The following ZSWIM8 variants were observed in gnomAD, a reference collection of about 807,000 sequenced individuals.
The protein encoded by ZSWIM8 is zinc finger SWIM domain-containing protein 8.
ZSWIM8 carries 27 observed loss-of-function variants against 173.7 expected under a neutral mutation model. That is an observed-to-expected ratio of 0.16 (90% CI 0.11 to 0.21). The LOEUF (loss-of-function observed/expected upper bound fraction) is 0.21. ZSWIM8 is among the 10% of genes least tolerant of loss of function. The pLI is 1.00. For synonymous variants in ZSWIM8, 958 were observed against 962.0 expected (o/e 1.00, Z 0.08); for missense variants, 1,627 against 2,428.8 (o/e 0.67, Z 6.94).
intron 21 of ZSWIM8, 194 bp from the exon 22 acceptor site, chr10:73,799,817 A>G (rs759890659): frequency 4.6e-6 from 3 of 647,186 alleles, no homozygotes; most frequent in Non-Finnish European, 7.9e-6. Flanking sequence ...TGGGAGGCTG[A>G]GATGGGAATC....
Position 73,789,685 on chromosome 10 carries a change from G to T in ZSWIM8, c.631-32G>T. The T allele has an allele frequency of 2.5e-6, 4 of 1,570,664 alleles. No homozygotes were observed. Among genetic ancestry groups the T allele is most frequent in the Non-Finnish European group, 3.5e-6 (4 of 1,157,118 alleles). ...TCCAGCTCCAGCAAACCTGTTCTCAGATTGTTCCATTTTTCTCTGTGTCCC... is the reference window on the plus strand; with the variant it reads ...TCCAGCTCCAGCAAACCTGTTCTCATATTGTTCCATTTTTCTCTGTGTCCC... On this transcript the variant is annotated intron_variant, in intron 4 of 25. Transcript: ENST00000604729. This position sits in a 1 kb window ranked among gnomAD's most constrained non-coding sequence, Gnocchi z 6.8.
At chr10:73,798,918 T>C in intron 20 of ZSWIM8, 84 bp from the exon 21 acceptor site, 1 of 1,519,030 alleles carries the variant, frequency 6.6e-7, no homozygotes, top group Non-Finnish European at 8.9e-7. Flanking sequence ...GAGACAGCTC[T>C]GAGGGAGACA....
At position 73,800,900 on chromosome 10, in the gene ZSWIM8, A is replaced by G; in HGVS notation, c.5123-117A>G. 1 of 1,238,982 alleles carries G rather than the reference A, an allele frequency of 8.1e-7. No homozygotes were observed. The highest frequency in any genetic ancestry group is 1.5e-5 in the African/African-American group (1 of 66,774). The allele number at this position is 1,238,982 out of a possible 1,614,324, so 76.7% of individuals were successfully genotyped here. On this transcript the variant is annotated intron_variant, in intron 24 of 25. Transcript: ENST00000604729. This position sits in a 1 kb window ranked among gnomAD's most constrained non-coding sequence, Gnocchi z 4.1. ...GTGCGTGCGCGGGGGGCGGAGGGTTACCTCAGCTCCTGGGGTGGAGGGAGG... is the reference window on the plus strand; with the variant it reads ...GTGCGTGCGCGGGGGGCGGAGGGTTGCCTCAGCTCCTGGGGTGGAGGGAGG...
chr10:73,790,537 AC>A (rs1488905255), intron 7 of ZSWIM8, among the ~76,000 whole-genome samples: 6 of 152,342 alleles, frequency 3.9e-5, no homozygotes, highest in Admixed American at 3.3e-4. Context: ...GGAAATGGAA[AC>A]AGAGAAAGAT....
rs199801362 is a variant in ZSWIM8 at position 73,797,580 on chromosome 10, C to G, written c.3637C>G (p.Arg1213Gly). 1 of 1,613,868 alleles carries G rather than the reference C, an allele frequency of 6.2e-7. No homozygotes were observed. ...CCGGGCCAGTGCCAGTGGAGGAGCC[C>G]GGGCGAAGACTGTTGAAGTTGGCAG... Reference protein sequence around the residue: ...SRRASASGGARAKTVEVGRYK... With the variant: ...SRRASASGGAGAKTVEVGRYK... The change falls in exon 18 of 26, where the codon CGG becomes GGG. Residue 1213 changes from arginine to glycine, a missense_variant. This residue lies in a region of ZSWIM8 where 72 missense variants were observed against 98.4 expected (regional missense o/e 0.73). Coordinates refer to ENST00000604729, the MANE Select transcript of ZSWIM8 (RefSeq NM_001367799.1). The surrounding 1 kb of genome is among the most constrained non-coding windows in gnomAD (Gnocchi z 5.6).
At position 73,797,751 on chromosome 10, in the gene ZSWIM8, AC is replaced by A. The variant is rs755085985; in HGVS notation, c.3663-25del. 5 of 1,594,706 alleles carry A rather than the reference AC, an allele frequency of 3.1e-6. No individual in the cohort carries two copies. The Admixed American group carries it at 8.6e-5, about 27-fold the overall frequency. On this transcript the variant is annotated intron_variant, in intron 18 of 25. Coordinates refer to ENST00000604729, the MANE Select transcript of ZSWIM8 (RefSeq NM_001367799.1). This position sits in a 1 kb window ranked among gnomAD's most constrained non-coding sequence, Gnocchi z 5.6. ...GGATGCCCATTTCAAAGAAACCCCA[AC>A]CCCCGTCCCTACCCCATTGCCCCTT...
chr10:73,786,319 T>TGTGTGTGG (rs2083218287), intron 1 of ZSWIM8: 1 of 466,492 alleles, frequency 2.1e-6, no homozygotes, highest in African/African-American at 2.0e-5. Context: ...CACACCTGTG[T>TGTGTGTGG]GTGTGTGGGT....
At chr10:73,795,248 T>C (rs1002958959) in intron 14 of ZSWIM8, among the ~76,000 whole-genome samples, 8 of 152,160 alleles carry the variant, frequency 5.3e-5, no homozygotes, top group African/African-American at 1.7e-4. Context: ...GCGAACACCA[T>C]GAGTAAATAC....
chr10:73,792,589 G>A lies in ZSWIM8; in HGVS notation c.2050G>A (p.Ala684Thr). Reference sequence around the variant, plus strand: ...CTCGGAAGGGCCTGAGCCTCCCACAGCCTCTGTTGGCCCCCCTGGCCTACT... The same window carrying A: ...CTCGGAAGGGCCTGAGCCTCCCACAACCTCTGTTGGCCCCCCTGGCCTACT... ...YFSEGPEPPT[A>T]SVGPPGLLPG... is the part of the protein sequence containing the mutation. The change falls in exon 10 of 26, where the codon GCC becomes ACC. Residue 684 changes from alanine (A) to threonine (T), a missense_variant. Physicochemically the swap from Ala to Thr is moderately conservative, Grantham distance 58. Coordinates refer to ENST00000604729, the MANE Select transcript of ZSWIM8 (RefSeq NM_001367799.1). This position sits in a 1 kb window ranked among gnomAD's most constrained non-coding sequence, Gnocchi z 4.3. 1 of 1,614,032 alleles carries A rather than the reference G, an allele frequency of 6.2e-7. No homozygotes were observed. Among genetic ancestry groups the A allele is most frequent in the Non-Finnish European group, 8.5e-7 (1 of 1,179,890 alleles).
chr10:73,798,889 C>A, intron 20 of ZSWIM8, 113 bp from the exon 21 acceptor site: 1 of 1,419,144 alleles, frequency 7.0e-7, no homozygotes, highest in Non-Finnish European at 9.5e-7. Context: ...ACACTGACCT[C>A]TGATGATTCC....
chr10:73,795,693 C>T, intron 15 of ZSWIM8, 30 bp downstream of exon 15: 1 of 1,601,418 alleles, frequency 6.2e-7, no homozygotes, highest in Non-Finnish European at 8.5e-7. Flanking sequence ...TGCGGTGGCT[C>T]ATGCCTGTAA....
Position 73,789,685 on chromosome 10 carries a change from G to C in ZSWIM8, c.631-32G>C. ...TCCAGCTCCAGCAAACCTGTTCTCA[G>C]ATTGTTCCATTTTTCTCTGTGTCCC... On this transcript the variant is annotated intron_variant, in intron 4 of 25. Coordinates refer to ENST00000604729, the MANE Select transcript of ZSWIM8 (RefSeq NM_001367799.1). This position sits in a 1 kb window ranked among gnomAD's most constrained non-coding sequence, Gnocchi z 6.8. 1 of 1,570,664 alleles carries C rather than the reference G, an allele frequency of 6.4e-7. No homozygotes were observed. Among genetic ancestry groups the C allele is most frequent in the Non-Finnish European group, 8.6e-7 (1 of 1,157,118 alleles).
Position 73,797,179 on chromosome 10 carries a change from G to A in ZSWIM8, c.3341G>A (p.Gly1114Glu). 6.2e-7 allele frequency: 1 copy of A among 1,613,942 alleles called. No individual in the cohort carries two copies. Among genetic ancestry groups the A allele is most frequent in the East Asian group, 2.2e-5 (1 of 44,886 alleles). ...GCAGCTTTGACCCCAAGGCCAGAAG[G>A]GAAGGTTCCTAGCCGCTTGGCACTT... ...SEAALTPRPE[G>E]KVPSRLALGS... The change falls in exon 17 of 26, where the codon GGG becomes GAG. Residue 1114 changes from glycine (G) to glutamate (E), a missense_variant. Physicochemically the swap from Gly to Glu is moderately conservative, Grantham distance 98. Coordinates refer to ENST00000604729, the MANE Select transcript of ZSWIM8 (RefSeq NM_001367799.1). This position sits in a 1 kb window ranked among gnomAD's most constrained non-coding sequence, Gnocchi z 5.6.
Position 73,800,797 on chromosome 10 carries a change from CA to C in ZSWIM8, c.5122+39del. The C allele has an allele frequency of 6.9e-7, 1 of 1,457,012 alleles. No individual in the cohort carries two copies. The highest frequency in any genetic ancestry group is 9.4e-7 in the Non-Finnish European group (1 of 1,067,032). The allele number at this position is 1,457,012 out of a possible 1,614,324, so 90.3% of individuals were successfully genotyped here. A position where few individuals can be genotyped will look rare whatever the true frequency, so the allele number is the denominator to read the frequency against. ...CTCCCTAGGACCATTGCCCCCCCCCCACCTGCTCTCCCCACCTTCCTTATCC... is the reference window on the plus strand; with the variant it reads ...CTCCCTAGGACCATTGCCCCCCCCCCCCTGCTCTCCCCACCTTCCTTATCC... On this transcript the variant is annotated intron_variant, in intron 24 of 25. Coordinates refer to ENST00000604729, the MANE Select transcript of ZSWIM8 (RefSeq NM_001367799.1). This position sits in a 1 kb window ranked among gnomAD's most constrained non-coding sequence, Gnocchi z 4.1.
chr10:73,793,360 G>A (rs984164037), intron 10 of ZSWIM8, among the ~76,000 whole-genome samples: 1 of 152,126 alleles, frequency 6.6e-6, no homozygotes, highest in Non-Finnish European at 1.5e-5. Flanking sequence ...TACTGTCCCT[G>A]TGCCCCAAGA....
At position 73,788,939 on chromosome 10, in the gene ZSWIM8, G is replaced by C. The variant is rs2083315061; in HGVS notation, c.362+116G>C. On this transcript the variant is annotated intron_variant, in intron 2 of 25. Transcript: ENST00000604729. ...TGGGGCAGTGGTAAGAGGAAGACAA[G>C]GGAGGGATTGCCTGGGATTCCACTC... 2.0e-6 allele frequency: 3 copies of C among 1,483,246 alleles called. No individual in the cohort carries two copies. The South Asian group carries it at 3.7e-5, about 18-fold the overall frequency. 91.9% of individuals were successfully genotyped at this position (1,483,246 alleles called of 1,614,324 possible). A position where few individuals can be genotyped will look rare whatever the true frequency, so the allele number is the denominator to read the frequency against.
Position 73,801,305 on chromosome 10 carries a change from T to C in ZSWIM8, c.5302-11T>C. 6.2e-7 allele frequency: 1 copy of C among 1,613,334 alleles called. No homozygotes were observed. The highest frequency in any genetic ancestry group is 1.1e-5 in the South Asian group (1 of 91,054). On this transcript the variant is annotated splice_polypyrimidine_tract_variant and intron_variant, in intron 25 of 25. Coordinates refer to ENST00000604729, the MANE Select transcript of ZSWIM8 (RefSeq NM_001367799.1). The surrounding 1 kb of genome is among the most constrained non-coding windows in gnomAD (Gnocchi z 4.9). ...TGTACTAAGGCTCATCCTGCACACATCCTCCTCCAGTACATCCACCACCGC... is the reference window on the plus strand; with the variant it reads ...TGTACTAAGGCTCATCCTGCACACACCCTCCTCCAGTACATCCACCACCGC...
In ZSWIM8 at chr10:73,791,158, G is replaced by A; in HGVS notation, c.1125G>A (p.Gln375=). 1.2e-6 allele frequency: 2 copies of A among 1,610,974 alleles called. No homozygotes were observed. Among genetic ancestry groups the A allele is most frequent in the South Asian group, 1.1e-5 (1 of 90,834 alleles). Residue 375 remains glutamine (Q), a synonymous_variant, in exon 8 of 26, where the codon CAG becomes CAA. Transcript: ENST00000604729. The surrounding 1 kb of genome is among the most constrained non-coding windows in gnomAD (Gnocchi z 6.0). The part of the protein sequence containing the change: ...AAPLLEILTD[Q]CLTYEQITGW... ...CCTTGTTGGAAATCCTCACTGACCA[G>A]TGCCTCACCTATGAACAGGTAATCA...
chr10:73,790,825 G>T (rs777998875), intron 7 of ZSWIM8, 150 bp from the exon 8 acceptor site: 2 of 643,842 alleles, frequency 3.1e-6, no homozygotes. Context: ...CTCAAGCCTG[G>T]GCGACAGAGC....
Sources: gnomAD v4.1 joint callset for allele counts (sites outside exome capture counted in the v4.1 genomes callset) on GRCh38, gnomAD v4.1.1 for gene constraint, gnomAD v4.1.1 regional missense constraint, Gnocchi (gnomAD v3.1) non-coding constraint, MANE v1.5 for transcripts, NCBI Gene and HGNC (gene_info 2026-07-23, HGNC 2026-07-21) for gene names.